MGAT4C: variants seen among roughly 807,000 people sequenced by gnomAD.
The protein encoded by MGAT4C is alpha-1,3-mannosyl-glycoprotein 4-beta-N-acetylglucosaminyltransferase C.
MGAT4C carries 19 observed loss-of-function variants against 40.1 expected under a neutral mutation model. That is an observed-to-expected ratio of 0.47 (90% CI 0.33 to 0.70). MGAT4C has a LOEUF of 0.70. MGAT4C is among the 30% of genes least tolerant of loss of function. The pLI, the probability that MGAT4C is intolerant of heterozygous loss-of-function variation, is 0.02. For synonymous variants in MGAT4C, 181 were observed against 187.1 expected, an observed-to-expected ratio of 0.97 and a Z score of 0.27; for missense variants, 491 against 563.2, an observed-to-expected ratio of 0.87 and a Z score of 1.30.
chr12:86,315,002 A>C (rs1954168091), intron 4 of MGAT4C, among the ~76,000 whole-genome samples: 1 of 130,940 alleles, frequency 7.6e-6, no homozygotes, highest in Non-Finnish European at 1.7e-5. Context: ...GTTATTCTAA[A>C]ATTCATATAG....
At chr12:86,148,215 C>A (rs1014139986) in intron 1 of MGAT4C, among the ~76,000 whole-genome samples, 1 of 152,092 alleles carries the variant, frequency 6.6e-6, no homozygotes, top group Admixed American at 6.5e-5. Context: ...AGGAGAGAAC[C>A]AGGAATCATT....
intron 4 of MGAT4C, among the ~76,000 whole-genome samples, chr12:85,982,711 A>G (rs1459532855): frequency 6.6e-6 from 1 of 152,136 alleles, no homozygotes; most frequent in Non-Finnish European, 1.5e-5. Flanking sequence ...GTTTCCTCCA[A>G]AAATTCATGT....
intron 1 of MGAT4C, among the ~76,000 whole-genome samples, chr12:86,746,508 A>G (rs1303866362): frequency 1.3e-5 from 2 of 151,650 alleles, no homozygotes; most frequent in Non-Finnish European, 3.0e-5. Flanking sequence ...TCATTCTGAC[A>G]TACAAAAACA....
rs148532350 is a variant in MGAT4C at position 86,025,772 on chromosome 12, G to A, written c.-7+23902C>T. On this transcript the variant is annotated intron_variant, in intron 2 of 4. Transcript: ENST00000611864. Reference sequence around the variant, plus strand: ...ATTATGGAAAAAATGAAGCTTTCAGGGATGTTTAATGAACTTTTCCAGGAT... The same window carrying A: ...ATTATGGAAAAAATGAAGCTTTCAGAGATGTTTAATGAACTTTTCCAGGAT... Among the ~76,000 whole-genome samples, 47 of 151,432 alleles carry A rather than the reference G, an allele frequency of 3.1e-4. No individual in the cohort carries two copies. In the East Asian group the frequency reaches 7.8e-3, roughly 25 times the overall value.
intron 2 of MGAT4C, among the ~76,000 whole-genome samples, chr12:86,680,566 C>A (rs1949962984): frequency 6.6e-6 from 1 of 151,960 alleles, no homozygotes. Flanking sequence ...AAATTCTGGC[C>A]ATAGGGTTGC....
intron 1 of MGAT4C, 73 bp from the exon 2 acceptor site, chr12:86,049,796 A>G (rs2136964153): frequency 2.1e-6 from 1 of 487,402 alleles, no homozygotes; most frequent in Non-Finnish European, 2.7e-6. Context: ...AATAAAAAGT[A>G]TTCTCTGTAA....
At chr12:86,283,188 A>G (rs1953262282) in intron 4 of MGAT4C, among the ~76,000 whole-genome samples, 1 of 149,068 alleles carries the variant, frequency 6.7e-6, no homozygotes. Flanking sequence ...GCCTTCCACC[A>G]CAATAAAAAA....
chr12:86,245,057 G>A (rs1951965672), intron 1 of MGAT4C, among the ~76,000 whole-genome samples: 1 of 152,064 alleles, frequency 6.6e-6, no homozygotes, highest in African/African-American at 2.4e-5. Context: ...GGGAAGCCAG[G>A]AATTAATGCC....
At chr12:86,805,629 T>C (rs918171490) in intron 1 of MGAT4C, among the ~76,000 whole-genome samples, 5 of 152,184 alleles carry the variant, frequency 3.3e-5, no homozygotes, top group South Asian at 4.1e-4. Context: ...GATAGGCACC[T>C]AGGTTGATTT....
At chr12:86,343,911 CA>C (rs1264824240) in intron 3 of MGAT4C, among the ~76,000 whole-genome samples, 5 of 151,814 alleles carry the variant, frequency 3.3e-5, no homozygotes, top group Non-Finnish European at 5.9e-5. Flanking sequence ...CATATGAGTG[CA>C]CGCCTGCTGT....
chr12:86,719,734 A>G (rs717681), intron 2 of MGAT4C, among the ~76,000 whole-genome samples: 127 of 152,138 alleles, frequency 8.3e-4, no homozygotes, highest in African/African-American at 2.9e-3. Flanking sequence ...TTTTAAATTT[A>G]TACTGTCCCT....
intron 1 of MGAT4C, among the ~76,000 whole-genome samples, chr12:86,194,421 T>C (rs1293569207): frequency 6.6e-6 from 1 of 152,024 alleles, no homozygotes; most frequent in East Asian, 1.9e-4. Flanking sequence ...GGATTCTCTT[T>C]TGTTTTTAGG....
chr12:86,467,078 A>C (rs903270980), intron 2 of MGAT4C, among the ~76,000 whole-genome samples: 1 of 152,126 alleles, frequency 6.6e-6, no homozygotes, highest in African/African-American at 2.4e-5. Flanking sequence ...AGTTTTCTCT[A>C]AAATAATTGA....
intron 1 of MGAT4C, among the ~76,000 whole-genome samples, chr12:86,207,278 T>C (rs1950294337): frequency 6.6e-6 from 1 of 152,116 alleles, no homozygotes; most frequent in Non-Finnish European, 1.5e-5. Context: ...TGCTTTTTCT[T>C]TTTTTTAAAT....
intron 2 of MGAT4C, among the ~76,000 whole-genome samples, chr12:86,638,691 G>A (rs75396043): frequency 0.12 from 17,948 of 151,702 alleles, 1,745 homozygotes; most frequent in African/African-American, 0.27. Flanking sequence ...ACTAGTGACT[G>A]ATATACAAGA....
At chr12:86,754,248 G>A (rs1331871517) in intron 1 of MGAT4C, among the ~76,000 whole-genome samples, 6 of 152,072 alleles carry the variant, frequency 3.9e-5, no homozygotes, top group Admixed American at 3.9e-4. Context: ...AAAAGAGAAT[G>A]TACTTGATAA....
chr12:86,195,041 T>A (rs1265662586), intron 1 of MGAT4C, among the ~76,000 whole-genome samples: 1 of 152,224 alleles, frequency 6.6e-6, no homozygotes, highest in Non-Finnish European at 1.5e-5. Context: ...TCAGCACTCC[T>A]CTTGCTTTCT....
rs146712301 is a variant in MGAT4C, at chr12:86,506,970, G to T, written c.-228-71705C>A. ...AGCCAAAATGTTATTGACCAGGATT[G>T]TGAAATGTGGCCATCTTAAAAGAAT... On this transcript the variant is annotated intron_variant, in intron 2 of 7. Coordinates refer to the MGAT4C transcript ENST00000548651. 3.8e-3 allele frequency among the ~76,000 whole-genome samples: 583 copies of T among 152,270 alleles called. 5 individuals are homozygous for T. Among genetic ancestry groups the T allele is most frequent in the African/African-American group, 0.013 (536 of 41,570 alleles).
At chr12:86,454,021 T>A (rs1202738093) in intron 2 of MGAT4C, among the ~76,000 whole-genome samples, 3 of 152,226 alleles carry the variant, frequency 2.0e-5, no homozygotes, top group Admixed American at 2.0e-4. Flanking sequence ...GGGCATTACT[T>A]ACATGACTTA....
Sources: gnomAD v4.1 joint callset for allele counts (sites outside exome capture counted in the v4.1 genomes callset) on GRCh38, gnomAD v4.1.1 for gene constraint, MANE v1.5 for transcripts, NCBI Gene and HGNC (gene_info 2026-07-23, HGNC 2026-07-21) for gene names.